Variants in SNX30 observed in about 807,000 individuals in gnomAD.
The protein encoded by SNX30 is sorting nexin-30.
SNX30 carries 24 observed loss-of-function variants against 46.4 expected under a neutral mutation model. That is an observed-to-expected ratio of 0.52 (90% confidence interval 0.37 to 0.73). The LOEUF is 0.73. SNX30 is among the 30% of genes least tolerant of loss of function. The pLI is 0.00. For synonymous variants in SNX30, 189 were observed against 211.5 expected, an observed-to-expected ratio of 0.89 and a Z score of 0.92; for missense variants, 533 against 555.7, an observed-to-expected ratio of 0.96 and a Z score of 0.41.
At chr9:112,821,376 A>G (rs1840490723) in intron 3 of SNX30, among the ~76,000 whole-genome samples, 1 of 151,536 alleles carries the variant, frequency 6.6e-6, no homozygotes, top group Non-Finnish European at 1.5e-5. Flanking sequence ...TCATCCTTAA[A>G]TTTTCATAGT....
intron 1 of SNX30, 51 bp downstream of exon 1, chr9:112,751,208 G>T: frequency 7.4e-7 from 1 of 1,357,264 alleles, no homozygotes; most frequent in East Asian, 2.9e-5. Flanking sequence ...TCCCCGTGGG[G>T]GGGATGATGG....
intron 7 of SNX30, among the ~76,000 whole-genome samples, chr9:112,858,153 A>C (rs905138081): frequency 1.3e-5 from 2 of 152,224 alleles, no homozygotes; most frequent in African/African-American, 2.4e-5. Flanking sequence ...TGCCATGTCA[A>C]CATCCTTCAG....
At position 112,842,397 on chromosome 9, in the gene SNX30, T is replaced by C. The variant is rs146520410; in HGVS notation, c.1014+3700T>C. Among the ~76,000 whole-genome samples the C allele has an allele frequency of 4.0e-3, 613 of 152,310 alleles. 1 individual carries two copies. Among genetic ancestry groups the C allele is most frequent in the African/African-American group, 0.013 (544 of 41,554 alleles). On this transcript the variant is annotated intron_variant, in intron 6 of 8. Coordinates refer to ENST00000374232, the MANE Select transcript of SNX30 (RefSeq NM_001012994.2). Reference sequence around the variant, plus strand: ...AATGGTGAGTGTTTGTCCTCATCATTTGGAAGTAGTGGCCTGTGCCTTAGG... The same window carrying C: ...AATGGTGAGTGTTTGTCCTCATCATCTGGAAGTAGTGGCCTGTGCCTTAGG...
chr9:112,796,674 A>G (rs1840113297), intron 1 of SNX30, among the ~76,000 whole-genome samples: 1 of 152,002 alleles, frequency 6.6e-6, no homozygotes, highest in Non-Finnish European at 1.5e-5. Flanking sequence ...TTTTTTTGAT[A>G]TTGCGTAGGT....
chr9:112,865,631 A>ATGTGTG (rs1243905182), intron 8 of SNX30, among the ~76,000 whole-genome samples: 5 of 36,332 alleles, frequency 1.4e-4, no homozygotes, highest in Non-Finnish European at 3.0e-4. Context: ...CGCCATATAT[A>ATGTGTG]TATATATATA....
rs537674895 is a variant in SNX30, at chr9:112,874,159, A to T, written c.*5316A>T. The stretch of plus-strand genomic sequence containing the variant: ...CCATGTGGAAATGAGGAGAGAGGAA[A>T]GTGGATTGCAAACCAAAATGTGAGT... On this transcript the variant is annotated 3_prime_UTR_variant, in exon 9 of 9. Transcript: ENST00000374232. The T allele has an allele frequency of 6.6e-6, 1 of 152,398 alleles. No homozygotes were observed. Among genetic ancestry groups the T allele is most frequent in the South Asian group, 2.1e-4 (1 of 4,830 alleles). The allele number at this position is 152,398 out of a possible 1,614,324, so 9.4% of individuals were successfully genotyped here.
intron 7 of SNX30, among the ~76,000 whole-genome samples, chr9:112,855,203 T>C (rs1231523231): frequency 6.6e-6 from 1 of 151,996 alleles, no homozygotes; most frequent in Non-Finnish European, 1.5e-5. Flanking sequence ...AAGCCAGAGC[T>C]GCTGTTGATG....
chr9:112,818,656 A>G (rs1410454194), intron 3 of SNX30, among the ~76,000 whole-genome samples: 2 of 152,190 alleles, frequency 1.3e-5, no homozygotes, highest in Non-Finnish European at 2.9e-5. Flanking sequence ...AACTCCTCAG[A>G]GGGGCTGATT....
At chr9:112,790,315 A>T (rs1226399775) in intron 1 of SNX30, among the ~76,000 whole-genome samples, 1 of 152,242 alleles carries the variant, frequency 6.6e-6, no homozygotes, top group East Asian at 1.9e-4. Context: ...TATATGTACT[A>T]GTCAGCTTTG....
Position 112,774,740 on chromosome 9 carries a change from C to T in SNX30, c.156+23583C>T, listed in dbSNP as rs879423422. Among the ~76,000 whole-genome samples, 5 of 151,804 alleles carry T rather than the reference C, an allele frequency of 3.3e-5. No homozygotes were observed. In the East Asian group the frequency reaches 9.7e-4, roughly 29 times the overall value. On this transcript the variant is annotated intron_variant, in intron 1 of 8. Coordinates refer to ENST00000374232, the MANE Select transcript of SNX30 (RefSeq NM_001012994.2). Reference sequence around the variant, plus strand: ...TGAGCCTCTTTCACATGCAAATTGGCTATTCTGTATCCTCTTTTGTGAAGT... The same window carrying T: ...TGAGCCTCTTTCACATGCAAATTGGTTATTCTGTATCCTCTTTTGTGAAGT...
rs1324375689 is a variant in SNX30 at position 112,751,155 on chromosome 9, A to C, written c.154A>C (p.Lys52Gln). The C allele has an allele frequency of 9.2e-6, 14 of 1,514,166 alleles. No individual in the cohort carries two copies. Among genetic ancestry groups the C allele is most frequent in the Middle Eastern group, 1.8e-4 (1 of 5,434 alleles). 93.8% of individuals were successfully genotyped at this position (1,514,166 alleles called of 1,614,324 possible). A position where few individuals can be genotyped will look rare whatever the true frequency, so the allele number is the denominator to read the frequency against. ...DLLMARSFGD[K>Q]DLILPNGGTP... ...GCTGATGGCCCGCAGCTTCGGTGAC[A>C]AGGTGGGGCGCCTGGGGCCGGGGAG... Residue 52 changes from lysine (K) to glutamine (Q), a missense_variant and splice_region_variant, in exon 1 of 9, where the codon AAG becomes CAG. Around this residue, in one of 3 missense-constraint regions of SNX30, gnomAD observed 191 missense variants for 160.3 expected, o/e 1.19. Transcript: ENST00000374232.
In SNX30 at chr9:112,871,388, C is replaced by G. The variant is rs1204726849; in HGVS notation, c.*2545C>G. ...CAGGCTCCCCTGGGCCTCTGAGGGC[C>G]AGCAGTCCCAACCATTTGCCTCTTC... On this transcript the variant is annotated 3_prime_UTR_variant, in exon 9 of 9. Coordinates refer to ENST00000374232, the MANE Select transcript of SNX30 (RefSeq NM_001012994.2). 1.3e-5 allele frequency: 2 copies of G among 152,030 alleles called. No individual in the cohort carries two copies. The highest frequency in any genetic ancestry group is 4.8e-5 in the African/African-American group (2 of 41,400). The allele number at this position is 152,030 out of a possible 1,614,324, so 9.4% of individuals were successfully genotyped here.
chr9:112,750,623 G>GCCT (rs1396706518), upstream of SNX30, among the ~76,000 whole-genome samples: 1 of 151,662 alleles, frequency 6.6e-6, no homozygotes, highest in African/African-American at 2.4e-5. Context: ...GCGGGGCCGC[G>GCCT]CCTCCTCCCT....
At chr9:112,851,566 C>T (rs566994910) in intron 7 of SNX30, among the ~76,000 whole-genome samples, 21 of 152,332 alleles carry the variant, frequency 1.4e-4, no homozygotes, top group Admixed American at 1.1e-3. Flanking sequence ...CCTTCTGGCT[C>T]CAGTGTTTGT....
intron 1 of SNX30, among the ~76,000 whole-genome samples, chr9:112,756,820 C>A (rs149101656): frequency 6.6e-6 from 1 of 152,192 alleles, no homozygotes; most frequent in African/African-American, 2.4e-5. Context: ...CGTTGTAATA[C>A]CTAGAAGCAT....
chr9:112,768,647 C>CTTCTTCTTTTT (rs1554748345), intron 1 of SNX30, among the ~76,000 whole-genome samples: 13 of 64,366 alleles, frequency 2.0e-4, no homozygotes, highest in Non-Finnish European at 3.0e-4. Context: ...ATTCTTTCTT[C>CTTCTTCTTTTT]TTTTTTTTTT....
At chr9:112,857,303 TTC>T (rs767130795) in intron 7 of SNX30, among the ~76,000 whole-genome samples, 6 of 152,200 alleles carry the variant, frequency 3.9e-5, no homozygotes, top group Non-Finnish European at 8.8e-5. Flanking sequence ...GCCACTGACT[TTC>T]TATTTGCCCA....
chr9:112,833,038 T>A (rs1840693552), intron 4 of SNX30, among the ~76,000 whole-genome samples: 1 of 151,948 alleles, frequency 6.6e-6, no homozygotes, highest in Admixed American at 6.6e-5. Context: ...TAAAAATTTT[T>A]AAAATTGTGA....
intron 2 of SNX30, among the ~76,000 whole-genome samples, chr9:112,809,891 T>C (rs1840291933): frequency 6.6e-6 from 1 of 151,450 alleles, no homozygotes; most frequent in Admixed American, 6.6e-5. Flanking sequence ...ACTGCTGCTG[T>C]TTTTAAGGAT....
Sources: allele counts gnomAD v4.1 joint callset (sites outside exome capture counted in the v4.1 genomes callset), GRCh38; gene constraint gnomAD v4.1.1; regional missense constraint gnomAD v4.1.1; transcripts MANE v1.5; gene names NCBI Gene and HGNC (gene_info 2026-07-23, HGNC 2026-07-21).